Variants in PHKB observed in about 807,000 individuals in gnomAD.
PHKB encodes the protein phosphorylase kinase regulatory subunit beta.
PHKB carries 122 observed loss-of-function variants against 152.1 expected under a neutral mutation model. That is an observed-to-expected ratio of 0.80 (90% CI 0.69 to 0.93). PHKB has a LOEUF of 0.93. PHKB is among the 40% of genes least tolerant of loss of function. The pLI is 0.00. For missense variants in PHKB, 1,304 were observed against 1,328.4 expected, an observed-to-expected ratio of 0.98 and a Z score of 0.29; for synonymous variants, 436 against 464.9, an observed-to-expected ratio of 0.94 and a Z score of 0.80.
chr16:47,507,355 G>A (rs1476872770), intron 4 of PHKB, among the ~76,000 whole-genome samples: 1 of 151,414 alleles, frequency 6.6e-6, no homozygotes, highest in African/African-American at 2.4e-5. Context: ...TAGACCATTA[G>A]CACCTGGCCA....
At chr16:47,468,615 TG>T (rs1489624662) in intron 1 of PHKB, among the ~76,000 whole-genome samples, 1 of 152,254 alleles carries the variant, frequency 6.6e-6, no homozygotes, top group African/African-American at 2.4e-5. Context: ...ATCGTGCCAT[TG>T]CACTCCAGCC....
chr16:47,640,965 G>A (rs1302019765), intron 14 of PHKB, 70 bp from the exon 15 acceptor site: 17 of 1,371,042 alleles, frequency 1.2e-5, no homozygotes, highest in Non-Finnish European at 1.0e-6. Context: ...TATTGTCCTT[G>A]TTTCTCATTG....
intron 7 of PHKB, among the ~76,000 whole-genome samples, chr16:47,552,640 C>G (rs890040906): frequency 5.3e-5 from 8 of 152,044 alleles, no homozygotes; most frequent in East Asian, 1.9e-4. Context: ...GATACCTTGT[C>G]TCTACTAAAA....
intron 7 of PHKB, among the ~76,000 whole-genome samples, chr16:47,571,929 A>G (rs921634075): frequency 6.6e-6 from 1 of 152,030 alleles, no homozygotes; most frequent in African/African-American, 2.4e-5. Context: ...TCCCATGGGA[A>G]TGGTGATCTA....
chr16:47,494,245 G>C (rs191580362), intron 1 of PHKB, among the ~76,000 whole-genome samples: 102 of 152,266 alleles, frequency 6.7e-4, no homozygotes, highest in Non-Finnish European at 1.3e-3. Flanking sequence ...TCATTATAGA[G>C]TATTCAAGCC....
chr16:47,559,244 C>G (rs1003281947), intron 7 of PHKB, among the ~76,000 whole-genome samples: 4 of 152,142 alleles, frequency 2.6e-5, no homozygotes, highest in African/African-American at 9.7e-5. Context: ...GGGTCTAAGG[C>G]TCTAAAATTC....
chr16:47,496,181 A>G (rs1481525323), intron 1 of PHKB, among the ~76,000 whole-genome samples: 2 of 150,154 alleles, frequency 1.3e-5, no homozygotes, highest in African/African-American at 4.9e-5. Flanking sequence ...ATGTTCTTAG[A>G]CTATATGGTA....
At chr16:47,470,605 C>G (rs1384172500) in intron 1 of PHKB, among the ~76,000 whole-genome samples, 1 of 152,144 alleles carries the variant, frequency 6.6e-6, no homozygotes, top group East Asian at 1.9e-4. Flanking sequence ...TATTACTATT[C>G]CCTTTTGAAA....
intron 27 of PHKB, among the ~76,000 whole-genome samples, chr16:47,692,315 T>G (rs1301045312): frequency 6.6e-6 from 1 of 152,170 alleles, no homozygotes; most frequent in African/African-American, 2.4e-5. Flanking sequence ...AAATACTAAG[T>G]GTAAAAAACG....
In PHKB at chr16:47,701,488, ATAT is replaced by A. The variant is rs1273989239; in HGVS notation, c.*2124_*2126del. ...TTCAAAATTTATTGTTCTGAAAGTT[ATAT>A]TTAGAATCAGTAAATCTTGATATTC... On this transcript the variant is annotated 3_prime_UTR_variant, in exon 31 of 31. Coordinates refer to ENST00000323584, the MANE Select transcript of PHKB (RefSeq NM_000293.3). 12 of 152,342 alleles carry A rather than the reference ATAT, an allele frequency of 7.9e-5. No homozygotes were observed. Among genetic ancestry groups the A allele is most frequent in the Non-Finnish European group, 1.3e-4 (9 of 68,026 alleles). 9.4% of individuals were successfully genotyped at this position (152,342 alleles called of 1,614,324 possible).
chr16:47,673,083 A>C (rs936628968), intron 26 of PHKB, among the ~76,000 whole-genome samples: 1 of 151,792 alleles, frequency 6.6e-6, no homozygotes, highest in Non-Finnish European at 1.5e-5. Context: ...GTCTCACGAG[A>C]TCAGTTCTAA....
chr16:47,669,131 C>T, intron 25 of PHKB, 84 bp from the exon 26 acceptor site: 3 of 981,646 alleles, frequency 3.1e-6, no homozygotes, highest in Non-Finnish European at 4.9e-6. Flanking sequence ...TTCAGCCTGC[C>T]AGTCATTCTG....
intron 20 of PHKB, among the ~76,000 whole-genome samples, chr16:47,656,043 G>A (rs1973330907): frequency 6.6e-6 from 1 of 150,442 alleles, no homozygotes; most frequent in African/African-American, 2.4e-5. Flanking sequence ...TTGAGACTGA[G>A]TCTCACTCTG....
chr16:47,680,510 T>A (rs991162395), intron 26 of PHKB, among the ~76,000 whole-genome samples: 1 of 152,248 alleles, frequency 6.6e-6, no homozygotes, highest in Non-Finnish European at 1.5e-5. Context: ...GGTGTATGTG[T>A]CGAGGAATTT....
At chr16:47,648,462 G>A (rs1184162966) in intron 16 of PHKB, 71 bp from the exon 17 acceptor site, 30 of 1,050,546 alleles carry the variant, frequency 2.9e-5, no homozygotes, top group Non-Finnish European at 4.5e-5. Flanking sequence ...AAATTAACAG[G>A]ACAATACTCA....
At chr16:47,536,315 T>G (rs936533554) in intron 6 of PHKB, among the ~76,000 whole-genome samples, 2 of 152,182 alleles carry the variant, frequency 1.3e-5, no homozygotes, top group African/African-American at 4.8e-5. Flanking sequence ...CCTCCCAAAG[T>G]GCTGGGATTA....
chr16:47,696,200 AAT>A (rs1974144170), intron 28 of PHKB, among the ~76,000 whole-genome samples, 179 bp from the exon 29 acceptor site: 1 of 152,246 alleles, frequency 6.6e-6, no homozygotes, highest in Non-Finnish European at 1.5e-5. Flanking sequence ...AATTTATCAC[AAT>A]AGTCAGCTGG....
At chr16:47,637,139 T>G (rs1435462342) in intron 14 of PHKB, among the ~76,000 whole-genome samples, 1 of 152,162 alleles carries the variant, frequency 6.6e-6, no homozygotes, top group African/African-American at 2.4e-5. Context: ...TCCTCTCAGC[T>G]GAGAGCTGGA....
chr16:47,599,661 T>C (rs1972186120), intron 13 of PHKB, among the ~76,000 whole-genome samples: 1 of 152,194 alleles, frequency 6.6e-6, no homozygotes, highest in Non-Finnish European at 1.5e-5. Context: ...AGAGCTGCCG[T>C]TAAAGAAAGT....
Sources: allele counts gnomAD v4.1 joint callset (sites outside exome capture counted in the v4.1 genomes callset), GRCh38; gene constraint gnomAD v4.1.1; transcripts MANE v1.5; gene names NCBI Gene and HGNC (gene_info 2026-07-23, HGNC 2026-07-21).